The following DAW1 variants were observed in gnomAD, a reference collection of about 807,000 sequenced individuals.
DAW1 encodes dynein assembly factor with WD repeat domains 1.
Under a neutral mutation model 56.5 loss-of-function variants are expected in DAW1, and 47 were observed. The observed-to-expected ratio is 0.83, with a 90% CI of 0.66 to 1.06. The LOEUF is 1.06. DAW1 is among the 50% of genes least tolerant of loss of function. The pLI, the probability that DAW1 is intolerant of heterozygous loss-of-function variation, is 0.00. For synonymous variants in DAW1, 190 were observed against 179.0 expected, an observed-to-expected ratio of 1.06 and a Z score of -0.49; for missense variants, 505 against 499.3, an observed-to-expected ratio of 1.01 and a Z score of -0.11.
intron 8 of DAW1, 130 bp downstream of exon 8, chr2:227,905,165 A>G: frequency 5.3e-6 from 3 of 566,998 alleles, no homozygotes; most frequent in Non-Finnish European, 5.8e-6. Context: ...CATATTGAAA[A>G]TGTAAATTAA....
intron 11 of DAW1, among the ~76,000 whole-genome samples, chr2:227,919,572 T>C (rs1390959868): frequency 3.3e-5 from 5 of 152,212 alleles, no homozygotes. Context: ...ATTGAGGAAG[T>C]AGTTCCTGGA....
At chr2:227,892,323 G>T (rs920539565) in intron 4 of DAW1, among the ~76,000 whole-genome samples, 3 of 151,740 alleles carry the variant, frequency 2.0e-5, no homozygotes, top group Non-Finnish European at 4.4e-5. Flanking sequence ...TAGCAGAGAC[G>T]GGGTTTCTCC....
At chr2:227,884,398 G>A (rs1047166269) in intron 1 of DAW1, among the ~76,000 whole-genome samples, 3 of 152,142 alleles carry the variant, frequency 2.0e-5, no homozygotes, top group African/African-American at 4.8e-5. Context: ...TATCCTAGAC[G>A]TTTTGATTAT....
At chr2:227,919,004 G>A in intron 11 of DAW1, 148 bp downstream of exon 11, 1 of 773,328 alleles carries the variant, frequency 1.3e-6, no homozygotes, top group Non-Finnish European at 2.1e-6. Flanking sequence ...AGACCAGCCT[G>A]GGCAACATAG....
chr2:227,907,311 A>T, intron 10 of DAW1, 59 bp downstream of exon 10: 2 of 1,407,514 alleles, frequency 1.4e-6, no homozygotes, highest in East Asian at 4.7e-5. Flanking sequence ...CTTGATAACC[A>T]TGCATAATTC....
At position 227,892,137 on chromosome 2, in the gene DAW1, A is replaced by ATTTTT. The variant is rs202082179; in HGVS notation, c.317+832_317+836dup. Among the ~76,000 whole-genome samples the ATTTTT allele has an allele frequency of 2.4e-3, 351 of 147,448 alleles. 7 individuals carry two copies. The highest frequency in any genetic ancestry group is 8.0e-3 in the African/African-American group (322 of 40,206). On this transcript the variant is annotated intron_variant, in intron 4 of 12. Transcript: ENST00000309931. ...GGCATGATCTCATCCTAACTTAATAATTTTTTTTTTTTGAGATGGAGTTTC... is the reference window on the plus strand; with the variant it reads ...GGCATGATCTCATCCTAACTTAATAATTTTTTTTTTTTTTTTTGAGATGGAGTTTC...
rs1322031395 is a variant in DAW1 at position 227,924,239 on chromosome 2, T to C, written c.*271T>C. The C allele has an allele frequency of 2.2e-6, 1 of 460,602 alleles. No homozygotes were observed. Among genetic ancestry groups the C allele is most frequent in the Non-Finnish European group, 3.9e-6 (1 of 257,340 alleles). 28.5% of individuals were successfully genotyped at this position (460,602 alleles called of 1,614,324 possible). A position where few individuals can be genotyped will look rare whatever the true frequency, so the allele number is the denominator to read the frequency against. ...CAGTTGTGTTTGTTTTTTAAAAGCA[T>C]TATGATACTGAAAAAGGAGACCAGA... On this transcript the variant is annotated 3_prime_UTR_variant, in exon 13 of 13. Transcript: ENST00000309931.
intron 10 of DAW1, among the ~76,000 whole-genome samples, chr2:227,918,141 C>T (rs1210351180): frequency 2.2e-5 from 3 of 133,970 alleles, no homozygotes; most frequent in South Asian, 2.4e-4. Flanking sequence ...TCCATCCATC[C>T]GTCCATCCAT....
Position 227,890,091 on chromosome 2 carries a change from G to A in DAW1, c.258+91G>A. Reference sequence around the variant, plus strand: ...TCTTTCCCTAAAAATATTTTTTCATGAAAAAGGCATGTCAGTGATTGATTG... The same window carrying A: ...TCTTTCCCTAAAAATATTTTTTCATAAAAAAGGCATGTCAGTGATTGATTG... On this transcript the variant is annotated intron_variant, in intron 3 of 12. Coordinates refer to ENST00000309931, the MANE Select transcript of DAW1 (RefSeq NM_178821.3). 3 of 1,320,894 alleles carry A rather than the reference G, an allele frequency of 2.3e-6. No individual in the cohort carries two copies. In the South Asian group the frequency reaches 5.4e-5, roughly 24 times the overall value. 81.8% of individuals were successfully genotyped at this position (1,320,894 alleles called of 1,614,324 possible).
At chr2:227,909,258 A>ATCTG (rs1217798776) in intron 10 of DAW1, among the ~76,000 whole-genome samples, 1 of 137,346 alleles carries the variant, frequency 7.3e-6, no homozygotes, top group Non-Finnish European at 1.6e-5. Flanking sequence ...CTATCTATCT[A>ATCTG]TCTATCTATC....
intron 10 of DAW1, among the ~76,000 whole-genome samples, chr2:227,918,203 C>CCATCCAT (rs1559315287): frequency 2.6e-4 from 37 of 144,962 alleles, no homozygotes; most frequent in Middle Eastern, 3.6e-3. Context: ...ATCCATCCAT[C>CCATCCAT]CATCCATCCA....
At position 227,917,459 on chromosome 2, in the gene DAW1, A is replaced by G. The variant is rs181857916; in HGVS notation, c.974-1321A>G. ...GTATTTTTAGTAGAGACGGGGTTTCACCGTGTTAGCCAGGATGGTCTCGAT... is the reference window on the plus strand; with the variant it reads ...GTATTTTTAGTAGAGACGGGGTTTCGCCGTGTTAGCCAGGATGGTCTCGAT... On this transcript the variant is annotated intron_variant, in intron 10 of 12. Transcript: ENST00000309931. Among the ~76,000 whole-genome samples the G allele has an allele frequency of 7.3e-3, 1,107 of 151,576 alleles. 14 individuals are homozygous for G. Among genetic ancestry groups the G allele is most frequent in the Middle Eastern group, 0.024 (7 of 292 alleles).
intron 8 of DAW1, among the ~76,000 whole-genome samples, chr2:227,905,293 A>G (rs931695691): frequency 2.0e-5 from 3 of 152,226 alleles, no homozygotes; most frequent in African/African-American, 7.2e-5. Context: ...TTATATAGCT[A>G]TTATTTATTT....
chr2:227,903,298 C>A (rs746752364), intron 7 of DAW1, among the ~76,000 whole-genome samples, 189 bp downstream of exon 7: 6 of 152,082 alleles, frequency 3.9e-5, no homozygotes, highest in African/African-American at 1.4e-4. Flanking sequence ...GTCCAAGGAG[C>A]TTTTTATTTT....
At chr2:227,876,020 CTT>C (rs5839239) in intron 1 of DAW1, among the ~76,000 whole-genome samples, 44,268 of 147,716 alleles carry the variant, frequency 0.3, 7,354 homozygotes, top group East Asian at 0.49. Context: ...AGGATTCTCT[CTT>C]TTTTTTTTTT....
At chr2:227,914,408 T>C (rs1220789770) in intron 10 of DAW1, among the ~76,000 whole-genome samples, 2 of 152,074 alleles carry the variant, frequency 1.3e-5, no homozygotes, top group Non-Finnish European at 2.9e-5. Context: ...TGATGATCTA[T>C]GTTATTTGTC....
chr2:227,891,317 AG>A lies in DAW1; in HGVS notation c.317+5del. On this transcript the variant is annotated splice_donor_5th_base_variant and intron_variant, in intron 4 of 12. Coordinates refer to ENST00000309931, the MANE Select transcript of DAW1 (RefSeq NM_178821.3). ...CACTTAACAAATCGGGCTCATGGTA[AG>A]ATTCTCTTTTTATGTCTAATTTTTA... 4 of 1,612,572 alleles carry A rather than the reference AG, an allele frequency of 2.5e-6. No homozygotes were observed. Among genetic ancestry groups the A allele is most frequent in the Non-Finnish European group, 3.4e-6 (4 of 1,179,142 alleles).
At chr2:227,903,157 T>C (rs1358247216) in intron 7 of DAW1, 48 bp downstream of exon 7, 3 of 1,585,580 alleles carry the variant, frequency 1.9e-6, no homozygotes, top group East Asian at 2.2e-5. Context: ...CATTCTTATT[T>C]GTGTTTTTGT....
chr2:227,892,921 T>G (rs553589930), intron 4 of DAW1, among the ~76,000 whole-genome samples: 22 of 152,336 alleles, frequency 1.4e-4, no homozygotes, highest in African/African-American at 5.3e-4. Context: ...TTACACTCTA[T>G]TCACTATTCC....
Sources: allele counts gnomAD v4.1 joint callset (sites outside exome capture counted in the v4.1 genomes callset), GRCh38; gene constraint gnomAD v4.1.1; transcripts MANE v1.5; gene names NCBI Gene and HGNC (gene_info 2026-07-23, HGNC 2026-07-21).